MED27: variants seen among roughly 807,000 people sequenced by gnomAD.
The protein encoded by MED27 is mediator complex subunit 27.
In MED27, 30 loss-of-function variants were observed where a neutral mutation model predicts 38.2. That is an observed-to-expected ratio of 0.79 (90% CI 0.59 to 1.07). MED27 has a LOEUF of 1.07. Ranked by LOEUF, MED27 falls within the 50% of genes least tolerant of loss-of-function variation. The probability of loss-of-function intolerance (pLI) is 0.00; values close to 1 mark genes in which losing one functional copy is unlikely to be tolerated. For synonymous variants in MED27, 122 were observed against 153.5 expected (o/e 0.79, Z 1.52); for missense variants, 289 against 397.5 (o/e 0.73, Z 2.32).
At chr9:132,006,004 G>A (rs763792419) in intron 3 of MED27, among the ~76,000 whole-genome samples, 21 of 151,854 alleles carry the variant, frequency 1.4e-4, no homozygotes, top group Non-Finnish European at 2.4e-4. Flanking sequence ...GAGAGTTATC[G>A]CCACCTAGGC....
chr9:132,020,282 G>A (rs962404557), intron 2 of MED27, among the ~76,000 whole-genome samples: 4 of 152,120 alleles, frequency 2.6e-5, no homozygotes, highest in African/African-American at 9.7e-5. Context: ...TTCCCCTGTA[G>A]ATCACTGACC....
In MED27 at chr9:131,872,505, G is replaced by A. The variant is rs539209515; in HGVS notation, c.724-9365C>T. Among the ~76,000 whole-genome samples the A allele has an allele frequency of 6.6e-6, 1 of 152,272 alleles. No homozygotes were observed. The highest frequency in any genetic ancestry group is 2.4e-5 in the African/African-American group (1 of 41,526). On this transcript the variant is annotated intron_variant, in intron 6 of 7. Coordinates refer to ENST00000292035, the MANE Select transcript of MED27 (RefSeq NM_004269.4). This position sits in a 1 kb window ranked among gnomAD's most constrained non-coding sequence, Gnocchi z 5.6. ...CCCTCCAGCCAATATCGGCTTCTAC[G>A]TACTGTGAAGAGAAGATTCTCTTAG...
chr9:131,981,746 C>T (rs1485905111), intron 3 of MED27, among the ~76,000 whole-genome samples: 2 of 152,232 alleles, frequency 1.3e-5, no homozygotes, highest in African/African-American at 4.8e-5. Flanking sequence ...CATCACACTG[C>T]TACCCCAAGC....
intron 6 of MED27, among the ~76,000 whole-genome samples, chr9:131,877,473 G>A (rs1333075765): frequency 6.6e-6 from 1 of 152,158 alleles, no homozygotes; most frequent in African/African-American, 2.4e-5. Flanking sequence ...CTACTCGAGA[G>A]GCTGAGGCAG....
intron 6 of MED27, among the ~76,000 whole-genome samples, chr9:131,869,609 C>CA (rs1238203807): frequency 6.6e-6 from 1 of 152,126 alleles, no homozygotes; most frequent in Non-Finnish European, 1.5e-5. Context: ...GTAAAAACAT[C>CA]AAAGGGATGC....
chr9:131,898,816 C>T (rs1470181368), intron 4 of MED27, among the ~76,000 whole-genome samples: 1 of 151,884 alleles, frequency 6.6e-6, no homozygotes, highest in Non-Finnish European at 1.5e-5. Flanking sequence ...AACTCCTGAC[C>T]TCATATGATC....
At chr9:132,047,465 C>CACAG (rs72083066) in intron 2 of MED27, among the ~76,000 whole-genome samples, 2 of 151,546 alleles carry the variant, frequency 1.3e-5, no homozygotes, top group Non-Finnish European at 2.9e-5. Context: ...CACACACACA[C>CACAG]ACACACACAC....
Position 131,982,059 on chromosome 9 carries a change from G to A in MED27, c.479+32278C>T, listed in dbSNP as rs528481204. On this transcript the variant is annotated intron_variant, in intron 3 of 7. Transcript: ENST00000292035. This position sits in a 1 kb window ranked among gnomAD's most constrained non-coding sequence, Gnocchi z 4.3. ...TCATGCACTTCCCATGTTCTTCCACGTTGGTAGTCTGTTTCACTCATGGTC... is the reference window on the plus strand; with the variant it reads ...TCATGCACTTCCCATGTTCTTCCACATTGGTAGTCTGTTTCACTCATGGTC... 7.9e-5 allele frequency among the ~76,000 whole-genome samples: 12 copies of A among 152,294 alleles called. No individual in the cohort carries two copies. The highest frequency in any genetic ancestry group is 2.1e-4 in the South Asian group (1 of 4,818).
intron 3 of MED27, among the ~76,000 whole-genome samples, chr9:131,970,919 A>C (rs2131013347): frequency 6.6e-6 from 1 of 152,368 alleles, no homozygotes; most frequent in East Asian, 1.9e-4. Flanking sequence ...ATACGAATAC[A>C]GGCAGAGTAT....
At chr9:132,000,705 A>C (rs1832209720) in intron 3 of MED27, among the ~76,000 whole-genome samples, 1 of 152,140 alleles carries the variant, frequency 6.6e-6, no homozygotes, top group Non-Finnish European at 1.5e-5. Context: ...ATATGGATGA[A>C]TCTCAAAATG....
chr9:132,066,080 C>T (rs1833803286), intron 2 of MED27, among the ~76,000 whole-genome samples: 3 of 152,194 alleles, frequency 2.0e-5, no homozygotes, highest in Non-Finnish European at 4.4e-5. Flanking sequence ...TGCATGCCTG[C>T]TCTGTACTCA....
intron 4 of MED27, among the ~76,000 whole-genome samples, chr9:131,926,080 T>G (rs7025118): frequency 0.033 from 5,071 of 152,022 alleles, 301 homozygotes; most frequent in African/African-American, 0.11. Flanking sequence ...CCCTCACTCC[T>G]GTGCTCTGGC....
At chr9:132,071,426 AT>A (rs1833933280) in intron 2 of MED27, among the ~76,000 whole-genome samples, 1 of 149,888 alleles carries the variant, frequency 6.7e-6, no homozygotes, top group Non-Finnish European at 1.5e-5. Context: ...ACACACATGA[AT>A]AACAGGTGCC....
rs1589211053 is a variant in MED27 at position 131,917,531 on chromosome 9, G to A, written c.573+21850C>T. Among the ~76,000 whole-genome samples, 1 of 152,014 alleles carries A rather than the reference G, an allele frequency of 6.6e-6. No homozygotes were observed. Among genetic ancestry groups the A allele is most frequent in the East Asian group, 1.9e-4 (1 of 5,182 alleles). ...AGACGGCTGGAGCAAGGGTTCAGAC[G>A]ACAGGAGATGAGAGCAGTGAAGATG... On this transcript the variant is annotated intron_variant, in intron 4 of 7. Transcript: ENST00000292035. The surrounding 1 kb of genome is among the most constrained non-coding windows in gnomAD (Gnocchi z 4.6).
At chr9:131,873,248 G>A (rs868126900) in intron 6 of MED27, among the ~76,000 whole-genome samples, 11 of 152,200 alleles carry the variant, frequency 7.2e-5, no homozygotes, top group Admixed American at 2.6e-4. Context: ...ATCCCTGCCA[G>A]CAGTGTTGCT....
intron 2 of MED27, among the ~76,000 whole-genome samples, chr9:132,066,300 G>A (rs762304781): frequency 1.3e-5 from 2 of 152,384 alleles, no homozygotes; most frequent in Non-Finnish European, 2.9e-5. Flanking sequence ...CATTCCAGGC[G>A]GAGGCATGGC....
At chr9:131,950,007 C>T (rs539776996) in intron 3 of MED27, among the ~76,000 whole-genome samples, 1 of 152,024 alleles carries the variant, frequency 6.6e-6, no homozygotes, top group South Asian at 2.1e-4. Context: ...TTCTGTTCTT[C>T]TTGCATTACA....
At chr9:132,016,839 G>A (rs546547917) in intron 2 of MED27, among the ~76,000 whole-genome samples, 1 of 152,248 alleles carries the variant, frequency 6.6e-6, no homozygotes, top group South Asian at 2.1e-4. Flanking sequence ...TTGATCATTT[G>A]CTCAAACAAA....
At chr9:131,946,232 A>T (rs1447680951) in intron 3 of MED27, among the ~76,000 whole-genome samples, 2 of 152,148 alleles carry the variant, frequency 1.3e-5, no homozygotes, top group East Asian at 3.9e-4. Flanking sequence ...TGTCTCTTTG[A>T]CACACTGACT....
Sources: allele counts gnomAD v4.1 joint callset (sites outside exome capture counted in the v4.1 genomes callset), GRCh38; gene constraint gnomAD v4.1.1; non-coding constraint Gnocchi (gnomAD v3.1); transcripts MANE v1.5; gene names NCBI Gene and HGNC (gene_info 2026-07-23, HGNC 2026-07-21).